CPSF4L: variants seen among roughly 807,000 people sequenced by gnomAD.
CPSF4L encodes the protein putative cleavage and polyadenylation specificity factor subunit 4-like protein.
A neutral mutation model predicts 24.0 loss-of-function variants in CPSF4L; 18 were observed. That is an observed-to-expected ratio of 0.75 (90% CI 0.52 to 1.11). CPSF4L has a LOEUF of 1.11. CPSF4L is among the 50% of genes least tolerant of loss of function. The probability of loss-of-function intolerance (pLI) is 0.00; values close to 1 mark genes in which losing one functional copy is unlikely to be tolerated. For synonymous variants in CPSF4L, 72 were observed against 77.2 expected (o/e 0.93, Z 0.35); for missense variants, 211 against 221.8 (o/e 0.95, Z 0.31).
chr17:73,259,330 G>C (rs2062036079), intron 2 of CPSF4L, among the ~76,000 whole-genome samples: 1 of 148,480 alleles, frequency 6.7e-6, no homozygotes, highest in Non-Finnish European at 1.5e-5. Flanking sequence ...GCTAGGGGAG[G>C]TGTTCTTTCC....
At chr17:73,257,906 T>A in intron 2 of CPSF4L, 73 bp from the exon 3 acceptor site, 3 of 1,473,464 alleles carry the variant, frequency 2.0e-6, no homozygotes, top group African/African-American at 1.4e-5. Context: ...CTCCAGGGGA[T>A]TCCCCAGGAG....
chr17:73,248,887 T>C (rs2061988547), intron 5 of CPSF4L: 1 of 228,788 alleles, frequency 4.4e-6, no homozygotes, highest in African/African-American at 2.3e-5. Flanking sequence ...AGCAGACTCT[T>C]TTATACTTTA....
At chr17:73,250,752 T>G (rs904379) in intron 5 of CPSF4L, among the ~76,000 whole-genome samples, 141,900 of 152,286 alleles carry the variant, frequency 0.93, 66,504 homozygotes, top group Non-Finnish European at 0.99. Context: ...AGTAACTGAA[T>G]AGTAGTAGGC....
intron 5 of CPSF4L, chr17:73,249,970 C>T (rs2061997768): frequency 3.1e-6 from 1 of 326,802 alleles, no homozygotes; most frequent in Non-Finnish European, 5.6e-6. Context: ...GTATAATGAT[C>T]GTGGATTTCC....
At chr17:73,262,431 G>A (rs142285418), upstream of CPSF4L, 1 of 152,542 alleles carries the variant, frequency 6.6e-6, no homozygotes, top group Non-Finnish European at 1.5e-5. Flanking sequence ...GAGAGGAACT[G>A]AAACAGTTGG....
intron 5 of CPSF4L, chr17:73,250,277 T>TA (rs1395763167): frequency 2.6e-6 from 4 of 1,550,682 alleles, no homozygotes; most frequent in African/African-American, 1.4e-5. Context: ...TTACTGTACT[T>TA]ACTGGCATAA....
chr17:73,263,607 T>G (rs2062054811), upstream of CPSF4L, among the ~76,000 whole-genome samples: 3 of 142,676 alleles, frequency 2.1e-5, no homozygotes, highest in Admixed American at 7.0e-5. Flanking sequence ...GGTAAAGAGG[T>G]GGAATGGGGG....
intron 5 of CPSF4L, chr17:73,250,081 C>T (rs968762549): frequency 3.8e-5 from 21 of 547,338 alleles, no homozygotes; most frequent in African/African-American, 5.9e-5. Context: ...TTTAGTAGCT[C>T]GTTCACTTAC....
intron 3 of CPSF4L, among the ~76,000 whole-genome samples, chr17:73,254,618 G>A (rs1338600679): frequency 1.3e-5 from 2 of 152,178 alleles, no homozygotes; most frequent in Middle Eastern, 3.2e-3. Flanking sequence ...AGCCAGCCCA[G>A]TAGGCCCAGG....
chr17:73,255,013 T>C (rs1333224396), intron 3 of CPSF4L, among the ~76,000 whole-genome samples: 11 of 152,166 alleles, frequency 7.2e-5, no homozygotes, highest in Admixed American at 5.9e-4. Flanking sequence ...TGGGGGAAGA[T>C]TCATCCCACT....
intron 5 of CPSF4L, chr17:73,251,235 A>G: frequency 8.9e-7 from 1 of 1,124,258 alleles, no homozygotes; most frequent in East Asian, 2.8e-5. Context: ...CTTTAGTTAC[A>G]GTTTTAAGTG....
intron 5 of CPSF4L, chr17:73,251,225 C>T (rs1000413759): frequency 2.5e-6 from 3 of 1,191,196 alleles, no homozygotes; most frequent in Non-Finnish European, 3.3e-6. Flanking sequence ...TTCAAGATGC[C>T]TTTAGTTACA....
Position 73,253,970 on chromosome 17 carries a change from G to A in CPSF4L, c.364C>T (p.Gln122Ter), listed in dbSNP as rs868770841. ...FLHVKPAFKS[Q>*]DCPWYDQGFC... ...CCTTGGTCATACCAAGGACAGTCCT[G>A]GGACTTGAAAGCTGGCTTCACATGG... is the stretch of plus-strand genomic sequence containing the variant. The change falls in exon 4 of 6, where the codon CAG becomes TAG. Residue 122 changes from glutamine (Q) to a stop codon, truncating the protein, a stop_gained. Transcript: ENST00000344935. LOFTEE classifies it high-confidence loss of function. 1.4e-5 allele frequency: 22 copies of A among 1,551,540 alleles called. No individual in the cohort carries two copies. The Admixed American group carries it at 4.3e-4, about 30-fold the overall frequency.
chr17:73,247,226 A>G (rs375001243), downstream of CPSF4L: 2 of 1,609,700 alleles, frequency 1.2e-6, no homozygotes, highest in South Asian at 2.2e-5. Context: ...AATATTTACT[A>G]TCTGGCCTTT....
chr17:73,245,496 A>G (rs1410031758), downstream of CPSF4L: 1 of 985,282 alleles, frequency 1.0e-6, no homozygotes, highest in African/African-American at 1.7e-5. Flanking sequence ...AAGATGACAA[A>G]GTTCATCACT....
At chr17:73,262,089 A>T (rs2145286485), upstream of CPSF4L, 4 of 452,710 alleles carry the variant, frequency 8.8e-6, no homozygotes, top group South Asian at 9.6e-5. Context: ...ATAGGGAGGG[A>T]TTCGCAGAGC....
At chr17:73,260,851 C>T (rs1293119094) in intron 2 of CPSF4L, 82 bp downstream of exon 2, 10 of 1,170,058 alleles carry the variant, frequency 8.5e-6, no homozygotes, top group Non-Finnish European at 9.8e-6. Flanking sequence ...CTATCCCAGG[C>T]CAGGCAGAGC....
At chr17:73,249,099 A>T (rs1483148702) in intron 5 of CPSF4L, among the ~76,000 whole-genome samples, 1 of 152,134 alleles carries the variant, frequency 6.6e-6, no homozygotes, top group African/African-American at 2.4e-5. Flanking sequence ...CTTTGCAGAC[A>T]TTTGGTGAGA....
At chr17:73,261,965 T>G (rs2062048552), upstream of CPSF4L, 3 of 646,736 alleles carry the variant, frequency 4.6e-6, no homozygotes, top group African/African-American at 3.6e-5. Context: ...CAGGGGACGC[T>G]CCAGCCTGGG....
Sources: allele counts gnomAD v4.1 joint callset (sites outside exome capture counted in the v4.1 genomes callset), GRCh38; gene constraint gnomAD v4.1.1; transcripts MANE v1.5; gene names NCBI Gene and HGNC (gene_info 2026-07-23, HGNC 2026-07-21).